ZNF592: variants seen among roughly 807,000 people sequenced by gnomAD.
ZNF592 encodes zinc finger protein 592.
In ZNF592, 11 loss-of-function variants were observed where a neutral mutation model predicts 80.3. The ratio of observed to expected loss-of-function variants is 0.14; its 90% confidence interval spans 0.09 to 0.23. ZNF592 has a LOEUF of 0.23. ZNF592 is among the 10% of genes least tolerant of loss of function. The pLI is 1.00. For missense variants in ZNF592, 1,420 were observed against 1,633.9 expected (o/e 0.87, Z 2.26); for synonymous variants, 646 against 640.3 (o/e 1.01, Z -0.13).
At chr15:84,777,264 G>A (rs1319900855) in intron 2 of ZNF592, among the ~76,000 whole-genome samples, 1 of 151,934 alleles carries the variant, frequency 6.6e-6, no homozygotes, top group Non-Finnish European at 1.5e-5. Flanking sequence ...ATCAGTTGAG[G>A]TCAGGAGTTT....
chr15:84,762,422 T>G (rs8025076), intron 1 of ZNF592, among the ~76,000 whole-genome samples: 2,259 of 152,174 alleles, frequency 0.015, 59 homozygotes, highest in African/African-American at 0.051. Flanking sequence ...CACGCAGATA[T>G]CTGAGAAAAG....
At position 84,777,694 on chromosome 15, in the gene ZNF592, C is replaced by CCTTTTTTTTTTTTTTTTTTTTTTT. The variant is rs1432630650; in HGVS notation, c.-149-489_-149-488insCTTTTTTTTTTTTTTTTTTTTTTT. On this transcript the variant is annotated intron_variant, in intron 2 of 10. Coordinates refer to ENST00000560079, the MANE Select transcript of ZNF592 (RefSeq NM_014630.3). ...GAAAATAATTTCGTCTGTTGAGATA[C>CCTTTTTTTTTTTTTTTTTTTTTTT]TTTTTTTTTTTTTTTTTTTTTTTGA... Among the ~76,000 whole-genome samples, 3 of 98,414 alleles carry CCTTTTTTTTTTTTTTTTTTTTTTT rather than the reference C, an allele frequency of 3.0e-5. 1 individual carries two copies. Among genetic ancestry groups the CCTTTTTTTTTTTTTTTTTTTTTTT allele is most frequent in the Non-Finnish European group, 6.0e-5 (3 of 50,148 alleles). The allele number at this position is 98,414 out of a possible 152,430, so 64.6% of individuals were successfully genotyped here.
At chr15:84,750,137 A>C (rs554633278) in intron 1 of ZNF592, among the ~76,000 whole-genome samples, 2 of 152,242 alleles carry the variant, frequency 1.3e-5, no homozygotes, top group Non-Finnish European at 2.9e-5. Flanking sequence ...CCCCGTCTCC[A>C]CTAAAAAAAT....
rs143320993 is a variant in ZNF592 at position 84,797,257 on chromosome 15, G to A, written c.2400-612G>A. ...ATTACAGGCGTGACCTATCGTGCCCGCCCCAGTGGAACTATTGACCATTCC... is the reference window on the plus strand; with the variant it reads ...ATTACAGGCGTGACCTATCGTGCCCACCCCAGTGGAACTATTGACCATTCC... On this transcript the variant is annotated intron_variant, in intron 5 of 10. Transcript: ENST00000560079. 6.0e-3 allele frequency among the ~76,000 whole-genome samples: 917 copies of A among 152,222 alleles called. 4 individuals are homozygous for A. The highest frequency in any genetic ancestry group is 0.021 in the African/African-American group (852 of 41,516).
Position 84,783,194 on chromosome 15 carries a change from T to G in ZNF592, c.519T>G (p.Leu173=), listed in dbSNP as rs1481544883. The change falls in exon 4 of 11, where the codon CTT becomes CTG. Residue 173 remains leucine, a synonymous_variant. Transcript: ENST00000560079. This position sits in a 1 kb window ranked among gnomAD's most constrained non-coding sequence, Gnocchi z 5.0. ...KHSDSYFPPP[L]GCGAVGGPVL... ...CTGACAGTTATTTCCCACCCCCTCTTGGGTGCGGGGCTGTGGGAGGCCCAG... is the reference window on the plus strand; with the variant it reads ...CTGACAGTTATTTCCCACCCCCTCTGGGGTGCGGGGCTGTGGGAGGCCCAG... The G allele has an allele frequency of 6.2e-7, 1 of 1,614,162 alleles. No homozygotes were observed. Among genetic ancestry groups the G allele is most frequent in the East Asian group, 2.2e-5 (1 of 44,882 alleles).
At chr15:84,759,803 A>C (rs1899287722) in intron 1 of ZNF592, among the ~76,000 whole-genome samples, 1 of 152,134 alleles carries the variant, frequency 6.6e-6, no homozygotes, top group Non-Finnish European at 1.5e-5. Flanking sequence ...CCTGCAGTGA[A>C]TGTTGTTGTA....
At chr15:84,772,116 T>C (rs530099014) in intron 2 of ZNF592, among the ~76,000 whole-genome samples, 4 of 152,206 alleles carry the variant, frequency 2.6e-5, no homozygotes, top group South Asian at 2.1e-4. Context: ...TTCTTTTAGC[T>C]ATACCATTCC....
intron 5 of ZNF592, among the ~76,000 whole-genome samples, chr15:84,792,361 G>C (rs1158602802): frequency 6.6e-6 from 1 of 152,158 alleles, no homozygotes; most frequent in Admixed American, 6.5e-5. Context: ...CAGTAATCTG[G>C]CTAGTATGTT....
At chr15:84,782,564 T>C in intron 3 of ZNF592, 93 bp from the exon 4 acceptor site, 1 of 1,184,500 alleles carries the variant, frequency 8.4e-7, no homozygotes, top group Admixed American at 1.7e-5. Flanking sequence ...ATGGGTGTGC[T>C]GGCTGTGTGT....
intron 5 of ZNF592, among the ~76,000 whole-genome samples, chr15:84,791,257 G>A (rs1001292755): frequency 6.6e-6 from 1 of 152,192 alleles, no homozygotes; most frequent in African/African-American, 2.4e-5. Flanking sequence ...ACAGTACTTG[G>A]AAATGTTTGC....
intron 5 of ZNF592, among the ~76,000 whole-genome samples, chr15:84,794,259 G>A (rs780308513): frequency 9.2e-5 from 14 of 152,272 alleles, no homozygotes; most frequent in Non-Finnish European, 1.6e-4. Flanking sequence ...AGGAAAAAAA[G>A]TAGTAACTCT....
rs114530528 is a variant in ZNF592, at chr15:84,768,798, G to A, written c.-150+3983G>A. On this transcript the variant is annotated intron_variant, in intron 2 of 10. Coordinates refer to ENST00000560079, the MANE Select transcript of ZNF592 (RefSeq NM_014630.3). ...TGGCGAGGTCCCATAACCACTGAAGGTCTCTCTAAAATTTTAAAAAGTGAA... is the reference window on the plus strand; with the variant it reads ...TGGCGAGGTCCCATAACCACTGAAGATCTCTCTAAAATTTTAAAAAGTGAA... Among the ~76,000 whole-genome samples the A allele has an allele frequency of 9.0e-3, 1,363 of 152,214 alleles. 25 individuals are homozygous for A. The highest frequency in any genetic ancestry group is 0.031 in the African/African-American group (1,297 of 41,510).
chr15:84,798,065 C>T lies in ZNF592; in HGVS notation c.2576+20C>T. 1.2e-6 allele frequency: 2 copies of T among 1,613,040 alleles called. No homozygotes were observed. The highest frequency in any genetic ancestry group is 1.7e-6 in the Non-Finnish European group (2 of 1,179,836). On this transcript the variant is annotated intron_variant, in intron 6 of 10. Coordinates refer to ENST00000560079, the MANE Select transcript of ZNF592 (RefSeq NM_014630.3). The surrounding 1 kb of genome is among the most constrained non-coding windows in gnomAD (Gnocchi z 4.5). ...CTCCCAGTGAGTGCAGCTCCAGGGCCAGCAGGCCCTGTGGAGCAGAGAGGA... is the reference window on the plus strand; with the variant it reads ...CTCCCAGTGAGTGCAGCTCCAGGGCTAGCAGGCCCTGTGGAGCAGAGAGGA...
intron 2 of ZNF592, among the ~76,000 whole-genome samples, chr15:84,766,613 TAG>T (rs746696160): frequency 2.1e-4 from 31 of 144,720 alleles, no homozygotes; most frequent in Non-Finnish European, 4.1e-4. Context: ...GGGGGGCGGA[TAG>T]AGAGACAGAG....
At position 84,783,466 on chromosome 15, in the gene ZNF592, C is replaced by T. The variant is rs368343654; in HGVS notation, c.791C>T (p.Thr264Ile). ...ESKGLARELG[T>I]CSSVPPRQRL... ...AAGGGGCTTGCCCGGGAGCTTGGTA[C>T]CTGCTCATCAGTCCCCCCTAGGCAG... is the stretch of plus-strand genomic sequence containing the variant. The change falls in exon 4 of 11, where the codon ACC (threonine) becomes ATC (isoleucine). Residue 264 changes from threonine to isoleucine, a missense_variant. By Grantham distance (89) the Thr-to-Ile change is moderately conservative. This residue lies in a region of ZNF592 where 373 missense variants were observed against 355.5 expected (regional missense o/e 1.05). Transcript: ENST00000560079. The surrounding 1 kb of genome is among the most constrained non-coding windows in gnomAD (Gnocchi z 5.0). 17 of 1,614,198 alleles carry T rather than the reference C, an allele frequency of 1.1e-5. No individual in the cohort carries two copies. The highest frequency in any genetic ancestry group is 1.4e-5 in the Non-Finnish European group (17 of 1,180,030).
chr15:84,768,483 C>G (rs1314369482), intron 2 of ZNF592, among the ~76,000 whole-genome samples: 2 of 152,034 alleles, frequency 1.3e-5, no homozygotes, highest in African/African-American at 4.8e-5. Context: ...AGTCATCCAC[C>G]TGTCTCAGCT....
intron 5 of ZNF592, among the ~76,000 whole-genome samples, chr15:84,795,246 T>A (rs886141472): frequency 1.3e-5 from 2 of 152,226 alleles, no homozygotes; most frequent in African/African-American, 4.8e-5. Context: ...TATTTGTGAT[T>A]ATTAAAGTTA....
chr15:84,772,680 A>G (rs1472879456), intron 2 of ZNF592, among the ~76,000 whole-genome samples: 1 of 152,236 alleles, frequency 6.6e-6, no homozygotes, highest in African/African-American at 2.4e-5. Flanking sequence ...GTTGTGAAAC[A>G]TCCATCCTTC....
At chr15:84,796,609 G>A (rs1962927967) in intron 5 of ZNF592, among the ~76,000 whole-genome samples, 1 of 151,924 alleles carries the variant, frequency 6.6e-6, no homozygotes, top group African/African-American at 2.4e-5. Flanking sequence ...AGGAAAGGCA[G>A]TATTTATAGA....
Sources: allele counts gnomAD v4.1 joint callset (sites outside exome capture counted in the v4.1 genomes callset), GRCh38; gene constraint gnomAD v4.1.1; regional missense constraint gnomAD v4.1.1; non-coding constraint Gnocchi (gnomAD v3.1); transcripts MANE v1.5; gene names NCBI Gene and HGNC (gene_info 2026-07-23, HGNC 2026-07-21).